EGF: variants seen among roughly 807,000 people sequenced by gnomAD.
EGF encodes the protein pro-epidermal growth factor.
Under a neutral mutation model 143.8 loss-of-function variants are expected in EGF, and 95 were observed. The ratio of observed to expected loss-of-function variants is 0.66; its 90% CI spans 0.56 to 0.78. The LOEUF is 0.78. Ranked by LOEUF, EGF falls within the 30% of genes least tolerant of loss-of-function variation. The pLI is 0.00. For missense variants in EGF, 1,320 were observed against 1,470.9 expected (o/e 0.90, Z 1.68); for synonymous variants, 510 against 510.5 (o/e 1.00, Z 0.01).
intron 5 of EGF, among the ~76,000 whole-genome samples, chr4:109,956,377 T>C (rs1339756138): frequency 1.3e-5 from 2 of 152,200 alleles, no homozygotes; most frequent in Non-Finnish European, 2.9e-5. Context: ...AGTGTTTCAA[T>C]TTTTTGTTAT....
chr4:110,011,822 G>C lies in EGF; in HGVS notation c.*367G>C, dbSNP rs1754026161. ...TTAAAGCAGACAGTCACACTGGTTT[G>C]GTCAGTTACAAAGTAATTTCTTTGA... is the stretch of plus-strand genomic sequence containing the variant. On this transcript the variant is annotated 3_prime_UTR_variant, in exon 24 of 24. Coordinates refer to ENST00000265171, the MANE Select transcript of EGF (RefSeq NM_001963.6). 1.5e-5 allele frequency: 5 copies of C among 324,718 alleles called. No homozygotes were observed. Among genetic ancestry groups the C allele is most frequent in the South Asian group, 1.5e-4 (5 of 33,974 alleles). 20.1% of individuals were successfully genotyped at this position (324,718 alleles called of 1,614,324 possible).
chr4:109,920,669 T>C (rs1737615793), intron 1 of EGF, among the ~76,000 whole-genome samples: 1 of 151,726 alleles, frequency 6.6e-6, no homozygotes, highest in African/African-American at 2.4e-5. Context: ...ATTAGTCTTA[T>C]TATGTTATAG....
intron 10 of EGF, among the ~76,000 whole-genome samples, chr4:109,966,197 C>T (rs920602534): frequency 2.0e-5 from 3 of 151,954 alleles, no homozygotes; most frequent in African/African-American, 7.3e-5. Flanking sequence ...ACCTGTTACC[C>T]CCCTGCACCC....
chr4:109,925,572 A>G (rs1313463632), intron 1 of EGF, among the ~76,000 whole-genome samples: 1 of 152,232 alleles, frequency 6.6e-6, no homozygotes, highest in Non-Finnish European at 1.5e-5. Flanking sequence ...CACTGTCAAT[A>G]GTATTGGAGC....
At chr4:109,992,992 A>AT (rs373357363) in intron 18 of EGF, among the ~76,000 whole-genome samples, 1 of 132,122 alleles carries the variant, frequency 7.6e-6, no homozygotes, top group Non-Finnish European at 1.5e-5. Flanking sequence ...GATACACCTA[A>AT]AATAAATGAC....
At chr4:109,919,291 C>CTG (rs1381167431) in intron 1 of EGF, among the ~76,000 whole-genome samples, 12 of 20,942 alleles carry the variant, frequency 5.7e-4, no homozygotes, top group Middle Eastern at 0.015. Context: ...TTCTCTGTCT[C>CTG]TCTCTCTCTC....
chr4:110,003,103 C>T (rs940841039), intron 21 of EGF, among the ~76,000 whole-genome samples: 3 of 152,092 alleles, frequency 2.0e-5, no homozygotes, highest in South Asian at 2.1e-4. Flanking sequence ...TTTGCCATTG[C>T]GAACAGTGCT....
chr4:110,013,626 A>G lies in EGF; in HGVS notation c.*2171A>G, dbSNP rs547763407. Reference sequence around the variant, plus strand: ...TTGATTTGTGTTTTTTCCAGACTGAATACTTTTCCTCCCTAACTCTCATCG... The same window carrying G: ...TTGATTTGTGTTTTTTCCAGACTGAGTACTTTTCCTCCCTAACTCTCATCG... On this transcript the variant is annotated 3_prime_UTR_variant, in exon 24 of 24. Transcript: ENST00000265171. Among the ~76,000 whole-genome samples, 3 of 152,058 alleles carry G rather than the reference A, an allele frequency of 2.0e-5. No homozygotes were observed. Among genetic ancestry groups the G allele is most frequent in the Non-Finnish European group, 4.4e-5 (3 of 68,024 alleles).
In EGF at chr4:109,970,698, G is replaced by A. The variant is rs552926592; in HGVS notation, c.1724+1579G>A. 2.2e-4 allele frequency among the ~76,000 whole-genome samples: 34 copies of A among 152,036 alleles called. 1 individual carries two copies. Among genetic ancestry groups the A allele is most frequent in the Middle Eastern group, 3.4e-3 (1 of 294 alleles). ...AAAATTAGCCGGGCGGGTGGTGGGC[G>A]CCTGTAGTCCCAGCTACTCAGGAGG... On this transcript the variant is annotated intron_variant, in intron 11 of 23. Transcript: ENST00000265171.
At chr4:109,959,798 G>T (rs761544829) in intron 6 of EGF, among the ~76,000 whole-genome samples, 14 of 151,972 alleles carry the variant, frequency 9.2e-5, no homozygotes, top group African/African-American at 3.4e-4. Context: ...GTTTCATAGG[G>T]ATCGTAAGAG....
At chr4:109,943,230 C>A in intron 2 of EGF, 24 bp from the exon 3 acceptor site, 1 of 1,520,282 alleles carries the variant, frequency 6.6e-7, no homozygotes, top group Non-Finnish European at 9.0e-7. Flanking sequence ...GTATTAATAA[C>A]AATTTTAAAA....
At chr4:109,935,119 G>A (rs1740527337) in intron 1 of EGF, among the ~76,000 whole-genome samples, 1 of 152,110 alleles carries the variant, frequency 6.6e-6, no homozygotes, top group Admixed American at 6.6e-5. Context: ...GTAGCTTGAT[G>A]GGGATAGCAT....
intron 18 of EGF, among the ~76,000 whole-genome samples, chr4:109,992,156 C>A (rs1751021749): frequency 9.7e-6 from 1 of 102,636 alleles, no homozygotes; most frequent in African/African-American, 3.8e-5. Flanking sequence ...CCTTAGCAAC[C>A]AAGCAAGATT....
intron 13 of EGF, 61 bp from the exon 14 acceptor site, chr4:109,979,911 T>C: frequency 6.3e-7 from 1 of 1,596,202 alleles, no homozygotes; most frequent in Non-Finnish European, 8.6e-7. Flanking sequence ...GCCTTGTCCT[T>C]TCGTAAATAG....
chr4:109,969,088 A>C lies in EGF; in HGVS notation c.1693A>C (p.Ile565Leu). The C allele has an allele frequency of 6.2e-7, 1 of 1,614,086 alleles. No homozygotes were observed. Among genetic ancestry groups the C allele is most frequent in the Non-Finnish European group, 8.5e-7 (1 of 1,179,982 alleles). Residue 565 changes from isoleucine to leucine, a missense_variant, in exon 11 of 24, where the codon ATT (isoleucine) becomes CTT (leucine). Physicochemically the swap from Ile to Leu is conservative, Grantham distance 5. Around this residue, in one of 5 missense-constraint regions of EGF, gnomAD observed 1,186 missense variants for 1,313.7 expected, o/e 0.90. Coordinates refer to ENST00000265171, the MANE Select transcript of EGF (RefSeq NM_001963.6). ...GCCAGAAGGTCTTGCTGTGGACTGG[A>C]TTGGCCGTAGATTCTATTGGACAGA... ...DVPEGLAVDW[I>L]GRRFYWTDRG...
At chr4:110,008,130 C>G in intron 22 of EGF, 22 bp from the exon 23 acceptor site, 1 of 1,601,412 alleles carries the variant, frequency 6.2e-7, no homozygotes, top group Non-Finnish European at 8.6e-7. Flanking sequence ...TATCCTCTCT[C>G]CCTCCTTTTT....
intron 1 of EGF, among the ~76,000 whole-genome samples, chr4:109,919,793 T>C (rs1737456158): frequency 6.6e-6 from 1 of 151,436 alleles, no homozygotes; most frequent in Non-Finnish European, 1.5e-5. Context: ...GATGGAAAGA[T>C]TTTAAAGAAG....
intron 20 of EGF, among the ~76,000 whole-genome samples, chr4:109,998,976 C>T (rs1752191104): frequency 6.6e-6 from 1 of 152,112 alleles, no homozygotes; most frequent in Non-Finnish European, 1.5e-5. Flanking sequence ...GGCAGCATTG[C>T]TTCATTTACT....
rs753111626 is a variant in EGF at position 109,959,452 on chromosome 4, T to TA, written c.1066+16dup. 2 of 1,613,504 alleles carry TA rather than the reference T, an allele frequency of 1.2e-6. No individual in the cohort carries two copies. The highest frequency in any genetic ancestry group is 2.2e-5 in the South Asian group (2 of 91,074). On this transcript the variant is annotated intron_variant, in intron 6 of 23. Coordinates refer to ENST00000265171, the MANE Select transcript of EGF (RefSeq NM_001963.6). ...GTACTGTGAAGGTAATGACTGGAAG[T>TA]ACTGTGAAGGTAATGGAAGAGTCGC...
Sources: allele counts gnomAD v4.1 joint callset (sites outside exome capture counted in the v4.1 genomes callset), GRCh38; gene constraint gnomAD v4.1.1; regional missense constraint gnomAD v4.1.1; transcripts MANE v1.5; gene names NCBI Gene and HGNC (gene_info 2026-07-23, HGNC 2026-07-21).